The following FRMD4B variants were observed in gnomAD, a reference collection of about 807,000 sequenced individuals.
FRMD4B encodes the protein FERM domain containing 4B, also known as FERM domain-containing protein 4B.
A neutral mutation model predicts 141.5 loss-of-function variants in FRMD4B; 74 were observed. The ratio of observed to expected loss-of-function variants is 0.52; its 90% CI spans 0.43 to 0.63. The LOEUF is 0.63. Among genes scored for constraint, FRMD4B ranks in the 30% least tolerant of loss-of-function variants. The pLI, the probability that FRMD4B is intolerant of heterozygous loss-of-function variation, is 0.00. For synonymous variants in FRMD4B, 506 were observed against 467.9 expected (o/e 1.08, Z -1.05); for missense variants, 1,366 against 1,253.4 (o/e 1.09, Z -1.36).
chr3:69,475,207 TC>T (rs1705965405), intron 1 of FRMD4B, among the ~76,000 whole-genome samples: 1 of 152,078 alleles, frequency 6.6e-6, no homozygotes, highest in Non-Finnish European at 1.5e-5. Flanking sequence ...TTCTTTTTTT[TC>T]TTTTATTATT....
At chr3:69,306,006 G>C (rs1701379949) in intron 3 of FRMD4B, among the ~76,000 whole-genome samples, 2 of 151,868 alleles carry the variant, frequency 1.3e-5, no homozygotes, top group African/African-American at 4.8e-5. Flanking sequence ...TAATCAAAAG[G>C]GACTGGACTC....
In FRMD4B at chr3:69,516,953, A is replaced by T. The variant is rs527932513; in HGVS notation, c.-129+25253T>A. ...TTGCTGTGCCCATATTTCTCTCAGA[A>T]GCATTCACATACTTCCATACCTCTC... On this transcript the variant is annotated intron_variant, in intron 1 of 5. Transcript: ENST00000459638. Among the ~76,000 whole-genome samples, 12 of 152,312 alleles carry T rather than the reference A, an allele frequency of 7.9e-5. No individual in the cohort carries two copies. The South Asian group carries it at 2.5e-3, about 32-fold the overall frequency.
intron 7 of FRMD4B, among the ~76,000 whole-genome samples, chr3:69,233,444 C>G (rs2093324483): frequency 6.7e-6 from 1 of 149,738 alleles, no homozygotes; most frequent in Non-Finnish European, 1.5e-5. Flanking sequence ...CGATCGCCTA[C>G]TGCACTCCAG....
intron 1 of FRMD4B, among the ~76,000 whole-genome samples, chr3:69,383,579 A>G (rs1704174566): frequency 6.6e-6 from 1 of 152,214 alleles, no homozygotes; most frequent in African/African-American, 2.4e-5. Flanking sequence ...TTAATTTTTT[A>G]GAGGAGGTCT....
intron 1 of FRMD4B, among the ~76,000 whole-genome samples, chr3:69,354,827 C>G (rs1289992329): frequency 6.6e-6 from 1 of 152,106 alleles, no homozygotes; most frequent in East Asian, 1.9e-4. Context: ...CAGCCTGTAA[C>G]AACTTCAGTC....
At chr3:69,452,929 T>C (rs1355323121) in intron 1 of FRMD4B, among the ~76,000 whole-genome samples, 1 of 152,268 alleles carries the variant, frequency 6.6e-6, no homozygotes, top group Non-Finnish European at 1.5e-5. Flanking sequence ...ATTTTACATA[T>C]AGCTGACGTA....
intron 1 of FRMD4B, among the ~76,000 whole-genome samples, chr3:69,479,852 C>T (rs1021802059): frequency 1.3e-5 from 2 of 152,160 alleles, no homozygotes; most frequent in Non-Finnish European, 2.9e-5. Flanking sequence ...AGCAATCTGA[C>T]GTAGATTTGG....
chr3:69,378,286 G>A (rs1224116292), intron 1 of FRMD4B, among the ~76,000 whole-genome samples: 1 of 152,180 alleles, frequency 6.6e-6, no homozygotes, highest in Admixed American at 6.5e-5. Context: ...CTTTGGTTGG[G>A]TGGGTATGTG....
chr3:69,264,983 C>T (rs1482300396), intron 5 of FRMD4B, among the ~76,000 whole-genome samples: 1 of 151,996 alleles, frequency 6.6e-6, no homozygotes, highest in South Asian at 2.1e-4. Context: ...AGGTCGGGCG[C>T]GGTGGCTCAC....
At chr3:69,376,985 G>A (rs947888359) in intron 1 of FRMD4B, 2 of 152,012 alleles carry the variant, frequency 1.3e-5, no homozygotes, top group Non-Finnish European at 2.9e-5. Flanking sequence ...CTCATTTGAA[G>A]AGTCCGGAGA....
chr3:69,432,272 T>A (rs1559526171), intron 2 of FRMD4B, among the ~76,000 whole-genome samples: 1 of 152,206 alleles, frequency 6.6e-6, no homozygotes, highest in African/African-American at 2.4e-5. Flanking sequence ...AAAATACTTT[T>A]ATAAATGCGT....
chr3:69,435,170 T>G (rs1705240106), intron 1 of FRMD4B, among the ~76,000 whole-genome samples: 1 of 152,174 alleles, frequency 6.6e-6, no homozygotes, highest in Non-Finnish European at 1.5e-5. Context: ...TATATCAATC[T>G]AAGGGCTGGC....
chr3:69,277,514 T>C (rs925475604), intron 5 of FRMD4B, among the ~76,000 whole-genome samples: 4 of 131,270 alleles, frequency 3.0e-5, no homozygotes, highest in Middle Eastern at 4.0e-3. Flanking sequence ...GCTTTCTTTC[T>C]GCTTTTTTTT....
In FRMD4B at chr3:69,176,675, A is replaced by G. The variant is rs932947522; in HGVS notation, c.2852-19T>C. On this transcript the variant is annotated intron_variant, in intron 21 of 22. Transcript: ENST00000398540. ...GAAGACACTGGAAATAAAAATGGAA[A>G]AAGATAAAATTAATGGAAATATTAA... is the stretch of plus-strand genomic sequence containing the variant. 1.7e-5 allele frequency: 26 copies of G among 1,564,212 alleles called. No homozygotes were observed. Among genetic ancestry groups the G allele is most frequent in the Non-Finnish European group, 2.3e-5 (26 of 1,136,716 alleles).
intron 1 of FRMD4B, among the ~76,000 whole-genome samples, chr3:69,492,453 A>G (rs1410914562): frequency 6.6e-6 from 1 of 152,208 alleles, no homozygotes; most frequent in Non-Finnish European, 1.5e-5. Context: ...GAAAAAATAC[A>G]TGCTTTAGTT....
At chr3:69,256,624 G>T (rs1042504966) in intron 5 of FRMD4B, among the ~76,000 whole-genome samples, 1 of 152,102 alleles carries the variant, frequency 6.6e-6, no homozygotes, top group South Asian at 2.1e-4. Flanking sequence ...CTGGCCACCC[G>T]CACTGGTTTT....
intron 11 of FRMD4B, among the ~76,000 whole-genome samples, chr3:69,207,132 G>A (rs934053511): frequency 6.6e-6 from 1 of 151,800 alleles, no homozygotes; most frequent in African/African-American, 2.4e-5. Flanking sequence ...GTGAGACCCT[G>A]TCTCCATAAC....
intron 21 of FRMD4B, among the ~76,000 whole-genome samples, chr3:69,179,043 G>C (rs2092678598): frequency 6.6e-6 from 1 of 151,912 alleles, no homozygotes; most frequent in Non-Finnish European, 1.5e-5. Flanking sequence ...AATGACGCCT[G>C]CCTGTTGTAA....
intron 7 of FRMD4B, among the ~76,000 whole-genome samples, chr3:69,232,747 G>A (rs531843375): frequency 3.7e-4 from 56 of 152,134 alleles, no homozygotes; most frequent in African/African-American, 1.1e-3. Context: ...AGAGACTGGC[G>A]TAGAAGGGAG....
Sources: allele counts gnomAD v4.1 joint callset (sites outside exome capture counted in the v4.1 genomes callset), GRCh38; gene constraint gnomAD v4.1.1; transcripts MANE v1.5; gene names NCBI Gene and HGNC (gene_info 2026-07-23, HGNC 2026-07-21).